IARS2: variants seen among roughly 807,000 people sequenced by gnomAD.
The protein encoded by IARS2 is isoleucyl-tRNA synthetase 2, mitochondrial.
IARS2 carries 56 observed loss-of-function variants against 126.3 expected under a neutral mutation model. That is an observed-to-expected ratio of 0.44 (90% CI 0.36 to 0.55). The LOEUF (loss-of-function observed/expected upper bound fraction) is 0.55, where lower values mean the gene tolerates loss of function less well. Among genes scored for constraint, IARS2 ranks in the 20% least tolerant of loss-of-function variants. The pLI is 0.00. For synonymous variants in IARS2, 407 were observed against 441.1 expected (o/e 0.92, Z 0.97); for missense variants, 1,127 against 1,245.9 (o/e 0.90, Z 1.44).
rs1458171262 is a variant in IARS2, at chr1:220,140,080, C to A, written c.2308-103C>A. On this transcript the variant is annotated intron_variant, in intron 18 of 22. Coordinates refer to ENST00000366922, the MANE Select transcript of IARS2 (RefSeq NM_018060.4). ...TGCATATTGCCTGTTTTGTATTTGT[C>A]TCATTGAAACATATTTTTGAAAGGA... 5 of 699,750 alleles carry A rather than the reference C, an allele frequency of 7.1e-6. No homozygotes were observed. In the African/African-American group the frequency reaches 7.2e-5, roughly 10 times the overall value. 43.3% of individuals were successfully genotyped at this position (699,750 alleles called of 1,614,324 possible). A position where few individuals can be genotyped will look rare whatever the true frequency, so the allele number is the denominator to read the frequency against.
intron 17 of IARS2, among the ~76,000 whole-genome samples, chr1:220,138,752 G>A (rs1157804636): frequency 2.6e-5 from 4 of 152,124 alleles, no homozygotes; most frequent in Middle Eastern, 3.4e-3. Context: ...TTGCCCCAAC[G>A]TAATAAAGAA....
chr1:220,129,516 C>T (rs1278843183), intron 14 of IARS2, among the ~76,000 whole-genome samples: 1 of 152,192 alleles, frequency 6.6e-6, no homozygotes, highest in Non-Finnish European at 1.5e-5. Context: ...CTCCCTCTCA[C>T]CCTTCCCAGC....
chr1:220,102,115 C>G lies in IARS2; in HGVS notation c.551-14C>G. On this transcript the variant is annotated splice_polypyrimidine_tract_variant and intron_variant, in intron 3 of 22. Transcript: ENST00000366922. ...CATTGGTTTTTTAAAATCTTTTTTT[C>G]GTCTTTTTTTTAGCTAGATCATTTG... The G allele has an allele frequency of 6.3e-7, 1 of 1,587,944 alleles. No individual in the cohort carries two copies. The highest frequency in any genetic ancestry group is 2.2e-5 in the East Asian group (1 of 44,730).
At position 220,138,988 on chromosome 1, in the gene IARS2, T is replaced by G; in HGVS notation, c.2176-20T>G. On this transcript the variant is annotated intron_variant, in intron 17 of 22. Transcript: ENST00000366922. Reference sequence around the variant, plus strand: ...ACCATTAGATTTTTTTAACTGCATATTTTTTCTTCCTATGAATAGCTTAGG... The same window carrying G: ...ACCATTAGATTTTTTTAACTGCATAGTTTTTCTTCCTATGAATAGCTTAGG... 1.3e-6 allele frequency: 2 copies of G among 1,595,756 alleles called. No homozygotes were observed. The highest frequency in any genetic ancestry group is 8.5e-7 in the Non-Finnish European group (1 of 1,172,638).
At position 220,105,956 on chromosome 1, in the gene IARS2, C is replaced by T; in HGVS notation, c.1132C>T (p.Pro378Ser). 1 of 1,614,046 alleles carries T rather than the reference C, an allele frequency of 6.2e-7. No individual in the cohort carries two copies. The highest frequency in any genetic ancestry group is 1.6e-4 in the Middle Eastern group (1 of 6,062). ...LIPDKASPLL[P>S]ANHVTMAKGT... ...TCCTGATAAAGCCTCTCCTCTTTTACCTGCAAATCATGTGACCATGGCAAA... is the reference window on the plus strand; with the variant it reads ...TCCTGATAAAGCCTCTCCTCTTTTATCTGCAAATCATGTGACCATGGCAAA... Residue 378 changes from proline (P) to serine (S), a missense_variant, in exon 9 of 23, where the codon CCT becomes TCT. By Grantham distance (74) the Pro-to-Ser change is moderately conservative (BLOSUM62 -1). Coordinates refer to ENST00000366922, the MANE Select transcript of IARS2 (RefSeq NM_018060.4).
rs1264926481 is a variant in IARS2, at chr1:220,133,958, G to T, written c.1838-444G>T. Among the ~76,000 whole-genome samples, 4 of 149,824 alleles carry T rather than the reference G, an allele frequency of 2.7e-5. No homozygotes were observed. In the East Asian group the frequency reaches 7.8e-4, roughly 29 times the overall value. ...GGTGGAAAGAGGAAAAAAAAAAAAGGACCCAAGATCTAATCTGAGATCACA... is the reference window on the plus strand; with the variant it reads ...GGTGGAAAGAGGAAAAAAAAAAAAGTACCCAAGATCTAATCTGAGATCACA... On this transcript the variant is annotated intron_variant, in intron 14 of 22. Coordinates refer to ENST00000366922, the MANE Select transcript of IARS2 (RefSeq NM_018060.4).
At chr1:220,143,547 A>G (rs1657530311) in intron 21 of IARS2, among the ~76,000 whole-genome samples, 1 of 152,170 alleles carries the variant, frequency 6.6e-6, no homozygotes, top group South Asian at 2.1e-4. Flanking sequence ...AAAAGGCCTC[A>G]GGACTATTTA....
chr1:220,135,843 T>C (rs1376744618), intron 15 of IARS2, among the ~76,000 whole-genome samples: 12 of 149,116 alleles, frequency 8.0e-5, no homozygotes, highest in South Asian at 2.1e-4. Flanking sequence ...TAGTGAGTTA[T>C]ATAGTTTTTC....
chr1:220,113,218 A>G (rs1656847425), intron 11 of IARS2, among the ~76,000 whole-genome samples: 1 of 152,158 alleles, frequency 6.6e-6, no homozygotes, highest in African/African-American at 2.4e-5. Flanking sequence ...AAAAAGTAAT[A>G]GTTATTCCTT....
intron 12 of IARS2, among the ~76,000 whole-genome samples, chr1:220,123,116 T>C (rs1251331): frequency 0.042 from 6,332 of 151,786 alleles, 424 homozygotes; most frequent in African/African-American, 0.14. Flanking sequence ...GGTCTTTAGA[T>C]TTATTCAGAT....
intron 7 of IARS2, 64 bp from the exon 8 acceptor site, chr1:220,103,383 T>C: frequency 4.0e-6 from 4 of 990,668 alleles, no homozygotes; most frequent in Non-Finnish European, 4.7e-6. Flanking sequence ...ATTTAAAAAT[T>C]AAAATGATAT....
chr1:220,131,833 T>C (rs553331181), intron 14 of IARS2, among the ~76,000 whole-genome samples: 1 of 147,060 alleles, frequency 6.8e-6, no homozygotes, highest in South Asian at 2.2e-4. Context: ...AGTCTCACTC[T>C]GTTGCCTAGG....
intron 17 of IARS2, 60 bp downstream of exon 17, chr1:220,138,103 A>G (rs1657415901): frequency 1.3e-6 from 2 of 1,555,182 alleles, no homozygotes; most frequent in South Asian, 1.1e-5. Flanking sequence ...TTGTTTTAAA[A>G]AATGAGACAC....
chr1:220,095,375 G>C (rs560331731), intron 1 of IARS2, among the ~76,000 whole-genome samples: 1 of 152,252 alleles, frequency 6.6e-6, no homozygotes, highest in Admixed American at 6.5e-5. Flanking sequence ...TTCCTCTTTA[G>C]CTTCTGTAAT....
At chr1:220,106,559 A>G (rs1368937044) in intron 9 of IARS2, among the ~76,000 whole-genome samples, 1 of 152,046 alleles carries the variant, frequency 6.6e-6, no homozygotes, top group Non-Finnish European at 1.5e-5. Flanking sequence ...ATATGCTTCA[A>G]TAACACATTT....
chr1:220,101,476 G>A (rs544244258), intron 3 of IARS2, among the ~76,000 whole-genome samples: 3 of 149,866 alleles, frequency 2.0e-5, no homozygotes, highest in African/African-American at 7.4e-5. Flanking sequence ...GAGGTGGATC[G>A]ATCACCTAAG....
rs1176097279 is a variant in IARS2 at position 220,096,218 on chromosome 1, TTAAA to T, written c.386_389del (p.Asn129ArgfsTer3). The T allele has an allele frequency of 1.3e-6, 2 of 1,571,066 alleles. No individual in the cohort carries two copies. The highest frequency in any genetic ancestry group is 1.7e-6 in the Non-Finnish European group (2 of 1,160,394). ...CGGTGACCCTCATGTTGGACATGCT[TTAAA>T]TAAGGTAACTATAATTTAGGTTATG... On this transcript the variant is annotated frameshift_variant, in exon 2 of 23. Transcript: ENST00000366922. LOFTEE classifies it high-confidence loss of function.
At chr1:220,124,264 TA>T (rs1245595101) in intron 12 of IARS2, among the ~76,000 whole-genome samples, 1 of 152,254 alleles carries the variant, frequency 6.6e-6, no homozygotes, top group Non-Finnish European at 1.5e-5. Context: ...TCCCTGAGTT[TA>T]ATTTTTAAAT....
chr1:220,095,487 G>C (rs1656419617), intron 1 of IARS2, among the ~76,000 whole-genome samples: 1 of 152,202 alleles, frequency 6.6e-6, no homozygotes, highest in Admixed American at 6.5e-5. Context: ...ATTTTTTAAA[G>C]GTTTTTTAGT....
Sources: gnomAD v4.1 joint callset for allele counts (sites outside exome capture counted in the v4.1 genomes callset) on GRCh38, gnomAD v4.1.1 for gene constraint, MANE v1.5 for transcripts, NCBI Gene and HGNC (gene_info 2026-07-23, HGNC 2026-07-21) for gene names.